Variants in OSBPL10 observed in about 807,000 individuals in gnomAD.
OSBPL10 encodes the protein oxysterol-binding protein-related protein 10.
In OSBPL10, 49 loss-of-function variants were observed where a neutral mutation model predicts 81.7. That is an observed-to-expected ratio of 0.60 (90% CI 0.48 to 0.76). The LOEUF is 0.76. Ranked by LOEUF, OSBPL10 falls within the 30% of genes least tolerant of loss-of-function variation. The pLI, the probability that OSBPL10 is intolerant of heterozygous loss-of-function variation, is 0.00. For synonymous variants in OSBPL10, 419 were observed against 383.6 expected (o/e 1.09, Z -1.08); for missense variants, 923 against 987.8 (o/e 0.93, Z 0.88).
chr3:32,073,392 G>C (rs147984093), intron 1 of OSBPL10, among the ~76,000 whole-genome samples: 1 of 152,174 alleles, frequency 6.6e-6, no homozygotes, highest in East Asian at 1.9e-4. Context: ...ACCCCACTTA[G>C]TCATCTATAG....
chr3:32,014,983 A>G (rs1364345100), intron 2 of OSBPL10, among the ~76,000 whole-genome samples: 1 of 152,194 alleles, frequency 6.6e-6, no homozygotes. Context: ...CTGCTCATGG[A>G]TAGGAAGAAT....
intron 4 of OSBPL10, among the ~76,000 whole-genome samples, 154 bp from the exon 5 acceptor site, chr3:31,748,274 G>A (rs1184406236): frequency 6.6e-6 from 1 of 152,164 alleles, no homozygotes; most frequent in Non-Finnish European, 1.5e-5. Context: ...ACTCAATCCT[G>A]GGTGAAATCT....
chr3:31,981,203 G>C lies in OSBPL10; in HGVS notation c.-24C>G, dbSNP rs1365829011. 10 of 1,380,916 alleles carry C rather than the reference G, an allele frequency of 7.2e-6. No homozygotes were observed. Among genetic ancestry groups the C allele is most frequent in the Non-Finnish European group, 9.3e-6 (10 of 1,074,354 alleles). 85.5% of individuals were successfully genotyped at this position (1,380,916 alleles called of 1,614,324 possible). On this transcript the variant is annotated 5_prime_UTR_variant, in exon 1 of 12. Coordinates refer to ENST00000396556, the MANE Select transcript of OSBPL10 (RefSeq NM_017784.5). The surrounding 1 kb of genome is among the most constrained non-coding windows in gnomAD (Gnocchi z 4.5). ...ATGGTCCGTGGGCGCCCGGGACGCG[G>C]GTGCCCGCCGCGGTGGCGGCCCCGG...
chr3:31,966,153 ATGTGTGTGTGTGTGTGTGTGTG>A (rs59737552), intron 1 of OSBPL10, among the ~76,000 whole-genome samples: 10 of 134,842 alleles, frequency 7.4e-5, no homozygotes, highest in African/African-American at 1.1e-4. Context: ...CAACAAAATT[ATGTGTGTGTGTGTGTGTGTGTG>A]TGTGTGTGTG....
intron 2 of OSBPL10, chr3:32,030,640 G>C (rs1699458918): frequency 2.1e-6 from 3 of 1,416,572 alleles, no homozygotes; most frequent in Non-Finnish European, 3.0e-6. Flanking sequence ...GAAGTAGCCT[G>C]AGCTGCTGGA....
At chr3:31,849,770 G>C (rs368363573) in intron 3 of OSBPL10, among the ~76,000 whole-genome samples, 3 of 152,140 alleles carry the variant, frequency 2.0e-5, no homozygotes, top group African/African-American at 7.2e-5. Flanking sequence ...GGGTATGGTG[G>C]CTCACACCTA....
upstream of OSBPL10, among the ~76,000 whole-genome samples, chr3:31,983,006 C>G (rs1292959011): frequency 6.6e-6 from 1 of 152,204 alleles, no homozygotes; most frequent in Non-Finnish European, 1.5e-5. Context: ...CCCAGGAGAG[C>G]AGCATGTCCC....
chr3:32,002,907 G>A (rs866720210), intron 2 of OSBPL10, among the ~76,000 whole-genome samples: 13 of 152,322 alleles, frequency 8.5e-5, no homozygotes, highest in South Asian at 6.2e-4. Context: ...TTGTCTCAAT[G>A]GGGGTGACAG....
At chr3:31,787,310 C>T (rs1471033086) in intron 4 of OSBPL10, among the ~76,000 whole-genome samples, 2 of 152,118 alleles carry the variant, frequency 1.3e-5, no homozygotes, top group African/African-American at 2.4e-5. Context: ...ATTCGAAAGA[C>T]ATGATAGGCT....
intron 2 of OSBPL10, chr3:31,988,618 CTCTT>C (rs1698977340): frequency 5.6e-6 from 1 of 178,888 alleles, no homozygotes; most frequent in Non-Finnish European, 1.2e-5. Flanking sequence ...CTCTCTCTCT[CTCTT>C]TCTCTCTCCC....
At chr3:32,002,961 A>C (rs747784041) in intron 2 of OSBPL10, among the ~76,000 whole-genome samples, 2 of 152,162 alleles carry the variant, frequency 1.3e-5, no homozygotes, top group African/African-American at 2.4e-5. Flanking sequence ...AACTATGATG[A>C]GGGTTTAATT....
chr3:32,009,225 G>A (rs1034687188), intron 2 of OSBPL10, among the ~76,000 whole-genome samples: 2 of 152,144 alleles, frequency 1.3e-5, no homozygotes, highest in African/African-American at 4.8e-5. Context: ...CTTTTCCAAG[G>A]CCCTGTGAAG....
At chr3:31,792,770 T>TGTGTGC (rs1553626270) in intron 4 of OSBPL10, among the ~76,000 whole-genome samples, 2 of 138,630 alleles carry the variant, frequency 1.4e-5, no homozygotes, top group Non-Finnish European at 3.1e-5. Flanking sequence ...TGTGTGTGTG[T>TGTGTGC]GTGTGTAAAA....
chr3:31,670,684 G>T (rs3749406), intron 9 of OSBPL10, 113 bp downstream of exon 9: 478,841 of 1,246,788 alleles, frequency 0.38, 100,633 homozygotes, highest in African/African-American at 0.78. Context: ...ACCTTAACAA[G>T]TTTATCTTGA....
At chr3:31,809,021 CA>C (rs552932401) in intron 4 of OSBPL10, among the ~76,000 whole-genome samples, 4 of 152,086 alleles carry the variant, frequency 2.6e-5, no homozygotes, top group Non-Finnish European at 4.4e-5. Flanking sequence ...TTAAGGTAAA[CA>C]AAGCATTTTC....
chr3:32,073,757 C>T (rs1035528421), intron 1 of OSBPL10, among the ~76,000 whole-genome samples: 23 of 152,140 alleles, frequency 1.5e-4, no homozygotes, highest in Non-Finnish European at 2.5e-4. Flanking sequence ...ATGACCTGCT[C>T]TTGTTTACAC....
At chr3:31,979,657 TCTC>T (rs1371759872) in intron 1 of OSBPL10, among the ~76,000 whole-genome samples, 1 of 151,804 alleles carries the variant, frequency 6.6e-6, no homozygotes, top group Non-Finnish European at 1.5e-5. Flanking sequence ...AAAGCATTGT[TCTC>T]CTCGCACTGA....
intron 1 of OSBPL10, among the ~76,000 whole-genome samples, chr3:31,913,514 C>T (rs1696653933): frequency 6.6e-6 from 1 of 152,206 alleles, no homozygotes; most frequent in African/African-American, 2.4e-5. Flanking sequence ...TCCCAAAGTG[C>T]TGGGATTACA....
At chr3:31,827,468 C>G (rs1038189681) in intron 4 of OSBPL10, among the ~76,000 whole-genome samples, 1 of 152,066 alleles carries the variant, frequency 6.6e-6, no homozygotes, top group Non-Finnish European at 1.5e-5. Context: ...AACCCCGTCT[C>G]TACCAAAAAT....
Sources: allele counts gnomAD v4.1 joint callset (sites outside exome capture counted in the v4.1 genomes callset), GRCh38; gene constraint gnomAD v4.1.1; non-coding constraint Gnocchi (gnomAD v3.1); transcripts MANE v1.5; gene names NCBI Gene and HGNC (gene_info 2026-07-23, HGNC 2026-07-21).